The following FAM227B variants were observed in gnomAD, a reference collection of about 807,000 sequenced individuals.
FAM227B encodes the protein protein FAM227B.
FAM227B carries 88 observed loss-of-function variants against 73.8 expected under a neutral mutation model. The ratio of observed to expected loss-of-function variants is 1.19; its 90% CI spans 1.00 to 1.42. The LOEUF is 1.42. Ranked by LOEUF, FAM227B falls within the 40% of genes most tolerant of loss-of-function variation. The pLI, the probability that FAM227B is intolerant of heterozygous loss-of-function variation, is 0.00. For synonymous variants in FAM227B, 210 were observed against 190.5 expected, an observed-to-expected ratio of 1.10 and a Z score of -0.84; for missense variants, 632 against 590.9, an observed-to-expected ratio of 1.07 and a Z score of -0.72.
intron 11 of FAM227B, among the ~76,000 whole-genome samples, chr15:49,377,219 T>C (rs1594188): frequency 0.42 from 63,120 of 151,996 alleles, 13,263 homozygotes; most frequent in African/African-American, 0.43. Flanking sequence ...TATGGCTGAA[T>C]AGTACTCCAT....
At chr15:49,353,854 A>G (rs1596427049) in intron 13 of FAM227B, 1 of 152,226 alleles carries the variant, frequency 6.6e-6, no homozygotes, top group East Asian at 1.9e-4. Flanking sequence ...GGTTCTTACC[A>G]TATGTTAATT....
At chr15:49,486,190 C>T (rs1816333227) in intron 11 of FAM227B, 3 of 151,920 alleles carry the variant, frequency 2.0e-5, no homozygotes, top group African/African-American at 7.2e-5. Context: ...TTTGGTAATA[C>T]ATTTATAGAT....
intron 10 of FAM227B, among the ~76,000 whole-genome samples, chr15:49,536,557 A>G (rs963684111): frequency 6.6e-6 from 1 of 152,032 alleles, no homozygotes; most frequent in Non-Finnish European, 1.5e-5. Context: ...GAAATAGAAT[A>G]AACAATTCTA....
At chr15:49,420,479 G>A (rs1264790986) in intron 11 of FAM227B, among the ~76,000 whole-genome samples, 1 of 152,012 alleles carries the variant, frequency 6.6e-6, no homozygotes, top group Non-Finnish European at 1.5e-5. Flanking sequence ...ATATGTATGT[G>A]TATATACATA....
chr15:49,367,683 C>A, intron 12 of FAM227B, 75 bp from the exon 13 acceptor site: 3 of 1,278,598 alleles, frequency 2.3e-6, no homozygotes, highest in South Asian at 3.0e-5. Flanking sequence ...AATATAACTT[C>A]ATATTTAGCA....
intron 5 of FAM227B, among the ~76,000 whole-genome samples, chr15:49,580,312 G>A (rs2152385213): frequency 6.6e-6 from 1 of 152,260 alleles, no homozygotes; most frequent in South Asian, 2.1e-4. Context: ...CTGAGCGAGT[G>A]CCCAGCTACT....
chr15:49,527,620 A>G (rs1404495875), intron 10 of FAM227B, among the ~76,000 whole-genome samples: 1 of 151,912 alleles, frequency 6.6e-6, no homozygotes, highest in Non-Finnish European at 1.5e-5. Context: ...TATTCCTCCA[A>G]AAGACTCACA....
chr15:49,616,405 T>A (rs1016685881), intron 1 of FAM227B, among the ~76,000 whole-genome samples: 2 of 152,226 alleles, frequency 1.3e-5, no homozygotes, highest in East Asian at 3.9e-4. Context: ...GTTGGCTGTT[T>A]GTTACAGCAG....
intron 11 of FAM227B, among the ~76,000 whole-genome samples, chr15:49,473,048 T>C (rs1422399081): frequency 6.6e-6 from 1 of 152,160 alleles, no homozygotes; most frequent in Non-Finnish European, 1.5e-5. Flanking sequence ...TTTCCAAAGG[T>C]ACTTGGGGGA....
chr15:49,417,762 C>A (rs570626684), intron 11 of FAM227B, among the ~76,000 whole-genome samples: 12 of 152,196 alleles, frequency 7.9e-5, no homozygotes, highest in African/African-American at 2.9e-4. Context: ...TAGGAACTAG[C>A]AAAGATTTCA....
At chr15:49,341,443 T>C (rs1304222072) in intron 13 of FAM227B, among the ~76,000 whole-genome samples, 1 of 152,226 alleles carries the variant, frequency 6.6e-6, no homozygotes, top group South Asian at 2.1e-4. Context: ...CAGAATTTTC[T>C]AGTTTTCTTT....
chr15:49,578,317 A>G (rs1364504533), intron 5 of FAM227B, among the ~76,000 whole-genome samples: 1 of 152,234 alleles, frequency 6.6e-6, no homozygotes. Context: ...CTTAGGCCCT[A>G]GAGCACAGAT....
In FAM227B at chr15:49,422,848, T is replaced by C. The variant is rs1377956671; in HGVS notation, c.1013-51449A>G. 8.9e-6 allele frequency: 6 copies of C among 672,718 alleles called. No homozygotes were observed. The East Asian group carries it at 1.7e-4, about 19-fold the overall frequency. The allele number at this position is 672,718 out of a possible 1,614,324, so 41.7% of individuals were successfully genotyped here. ...TGTTAGTTAACACATACCAGTTTTG[T>C]TCTAACATTCTGAGCACAAAGAAGT... On this transcript the variant is annotated intron_variant, in intron 11 of 15. Transcript: ENST00000299338.
intron 11 of FAM227B, among the ~76,000 whole-genome samples, chr15:49,452,138 T>A (rs916648772): frequency 4.0e-5 from 6 of 151,864 alleles, no homozygotes; most frequent in African/African-American, 1.5e-4. Context: ...GCCTTCTAGG[T>A]TCAAGCAATT....
chr15:49,385,811 TTC>T (rs1298945222), intron 11 of FAM227B, among the ~76,000 whole-genome samples: 23 of 151,906 alleles, frequency 1.5e-4, no homozygotes, highest in Non-Finnish European at 2.9e-5. Context: ...TAAAAAGGTA[TTC>T]CATGCAAATG....
In FAM227B at chr15:49,489,803, T is replaced by TTATATATATATATATATTTTA. The variant is rs1224751738; in HGVS notation, c.1012+18387_1012+18407dup. On this transcript the variant is annotated intron_variant, in intron 11 of 15. Transcript: ENST00000299338. ...AGAACAGGAGATATATATATATATT[T>TTATATATATATATATATTTTA]TATATATATATATATATTTTATATA... Among the ~76,000 whole-genome samples the TTATATATATATATATATTTTA allele has an allele frequency of 1.6e-3, 93 of 57,312 alleles. 4 individuals carry two copies. Among genetic ancestry groups the TTATATATATATATATATTTTA allele is most frequent in the Middle Eastern group, 9.3e-3 (1 of 108 alleles). The allele number at this position is 57,312 out of a possible 152,430, so 37.6% of individuals were successfully genotyped here.
chr15:49,341,879 A>G (rs1263533713), intron 13 of FAM227B, among the ~76,000 whole-genome samples: 1 of 152,044 alleles, frequency 6.6e-6, no homozygotes, highest in East Asian at 1.9e-4. Flanking sequence ...ATTGATACCT[A>G]TTTTTATTCC....
Position 49,371,757 on chromosome 15 carries a change from ATAAATGAAATAAAAT to A in FAM227B, c.1013-373_1013-359del, listed in dbSNP as rs1402098305. On this transcript the variant is annotated intron_variant, in intron 11 of 15. Coordinates refer to ENST00000299338, the MANE Select transcript of FAM227B (RefSeq NM_152647.3). Reference sequence around the variant, plus strand: ...ATAATGAAATAAAATTCACTTATAAATAAATGAAATAAAATTCACTTATAAATAAATGAAATAAAA... The same window carrying A: ...ATAATGAAATAAAATTCACTTATAAATCACTTATAAATAAATGAAATAAAA... 8.2e-4 allele frequency among the ~76,000 whole-genome samples: 123 copies of A among 150,344 alleles called. 1 individual carries two copies. Among genetic ancestry groups the A allele is most frequent in the Admixed American group, 3.1e-3 (47 of 15,110 alleles).
At chr15:49,543,356 ATTTGT>A (rs2071353178) in intron 9 of FAM227B, among the ~76,000 whole-genome samples, 1 of 151,796 alleles carries the variant, frequency 6.6e-6, no homozygotes, top group Non-Finnish European at 1.5e-5. Flanking sequence ...TAATGGAATT[ATTTGT>A]TTTTTCTTGC....
Sources: allele counts gnomAD v4.1 joint callset (sites outside exome capture counted in the v4.1 genomes callset), GRCh38; gene constraint gnomAD v4.1.1; transcripts MANE v1.5; gene names NCBI Gene and HGNC (gene_info 2026-07-23, HGNC 2026-07-21).